Variants in CORO2B observed in about 807,000 individuals in gnomAD.
CORO2B encodes coronin 2B.
Under a neutral mutation model 58.8 loss-of-function variants are expected in CORO2B, and 26 were observed. That is an observed-to-expected ratio of 0.44 (90% CI 0.32 to 0.61). CORO2B has a LOEUF of 0.61. Among genes scored for constraint, CORO2B ranks in the 20% least tolerant of loss-of-function variants. The pLI, the probability that CORO2B is intolerant of heterozygous loss-of-function variation, is 0.04. For missense variants in CORO2B, 460 were observed against 645.1 expected (o/e 0.71, Z 3.11); for synonymous variants, 242 against 253.8 (o/e 0.95, Z 0.44).
intron 1 of CORO2B, among the ~76,000 whole-genome samples, chr15:68,614,181 T>C (rs1252770116): frequency 6.6e-6 from 1 of 152,200 alleles, no homozygotes; most frequent in Non-Finnish European, 1.5e-5. Context: ...TGTGAACACA[T>C]CTTAATGTGT....
At chr15:68,599,199 C>T (rs1595959891) in intron 1 of CORO2B, among the ~76,000 whole-genome samples, 1 of 152,186 alleles carries the variant, frequency 6.6e-6, no homozygotes, top group Non-Finnish European at 1.5e-5. Flanking sequence ...GCCCAAAGTG[C>T]GACCTCCTCC....
chr15:68,681,883 C>A lies in CORO2B; in HGVS notation c.217-13257C>A, dbSNP rs563189551. ...GCTAGCAACAGAAATCACCCCCAACCCCAGTCCTCTTATGCAGAAAGGGTT... is the reference window on the plus strand; with the variant it reads ...GCTAGCAACAGAAATCACCCCCAACACCAGTCCTCTTATGCAGAAAGGGTT... On this transcript the variant is annotated intron_variant, in intron 2 of 11. Coordinates refer to ENST00000261861, the MANE Select transcript of CORO2B (RefSeq NM_006091.5). Among the ~76,000 whole-genome samples, 5 of 152,220 alleles carry A rather than the reference C, an allele frequency of 3.3e-5. No homozygotes were observed. The East Asian group carries it at 5.8e-4, about 18-fold the overall frequency.
chr15:68,708,120 C>A (rs1567016446), intron 3 of CORO2B, among the ~76,000 whole-genome samples: 1 of 152,076 alleles, frequency 6.6e-6, no homozygotes, highest in East Asian at 1.9e-4. Context: ...AATGGTGCAC[C>A]CAAGGGTGAC....
intron 1 of CORO2B, among the ~76,000 whole-genome samples, chr15:68,599,221 T>C (rs984316233): frequency 1.1e-4 from 16 of 152,196 alleles, no homozygotes; most frequent in Non-Finnish European, 2.4e-4. Flanking sequence ...CAGAGCCTTC[T>C]CTGATCTCTC....
At chr15:68,687,838 C>T (rs990801792) in intron 2 of CORO2B, among the ~76,000 whole-genome samples, 3 of 152,186 alleles carry the variant, frequency 2.0e-5, no homozygotes, top group Non-Finnish European at 4.4e-5. Context: ...TTATAACAAA[C>T]CCACTCACAA....
At chr15:68,539,168 C>T in the CORO2B span, among the ~76,000 whole-genome samples, 1 of 152,166 alleles carries the variant, frequency 6.6e-6, no homozygotes, top group African/African-American at 2.4e-5. Context: ...CCACAAGCTG[C>T]AGGAGCCTGC....
chr15:68,685,419 C>G (rs1902932074), intron 2 of CORO2B, among the ~76,000 whole-genome samples: 2 of 152,160 alleles, frequency 1.3e-5, no homozygotes, highest in Admixed American at 1.3e-4. Context: ...GCCATGTTGC[C>G]CAGGCTGGTC....
the CORO2B span, among the ~76,000 whole-genome samples, chr15:68,570,467 C>T: frequency 1.3e-5 from 2 of 152,192 alleles, no homozygotes; most frequent in Admixed American, 6.5e-5. Context: ...AGTCGTAAGA[C>T]ATCGAAGGAA....
rs1322991187 is a variant in CORO2B, at chr15:68,714,559, G to GAT, written c.767_768insTA (p.Glu256AspfsTer8). On this transcript the variant is annotated frameshift_variant and splice_region_variant, in exon 7 of 12. Transcript: ENST00000261861. LOFTEE classifies it high-confidence loss of function. Reference sequence around the variant, plus strand: ...GCTGAGACCAGCTCTTCTCCCTCAGGAGGACCTCTCCATGCCCCTGATCGA... The same window carrying GAT: ...GCTGAGACCAGCTCTTCTCCCTCAGGATAGGACCTCTCCATGCCCCTGATCGA... 5 of 1,613,184 alleles carry GAT rather than the reference G, an allele frequency of 3.1e-6. No individual in the cohort carries two copies. Among genetic ancestry groups the GAT allele is most frequent in the Non-Finnish European group, 4.2e-6 (5 of 1,179,178 alleles).
Position 68,609,880 on chromosome 15 carries a change from G to T in CORO2B, c.15+30603G>T, listed in dbSNP as rs191932603. Among the ~76,000 whole-genome samples, 88 of 152,266 alleles carry T rather than the reference G, an allele frequency of 5.8e-4. 1 individual carries two copies. The highest frequency in any genetic ancestry group is 5.7e-4 in the Non-Finnish European group (39 of 68,028). ...GGCTGGGGTAGGGGAGCACGAAGCG[G>T]TCTGGTTCAGTACACTAGCTTGACC... On this transcript the variant is annotated intron_variant, in intron 1 of 11. Transcript: ENST00000261861.
At chr15:68,625,738 A>G (rs1288822310) in intron 1 of CORO2B, among the ~76,000 whole-genome samples, 2 of 151,770 alleles carry the variant, frequency 1.3e-5, no homozygotes, top group African/African-American at 2.4e-5. Context: ...CCAAGTAGCT[A>G]GGACTACAGG....
chr15:68,627,005 G>T (rs1193450347), intron 1 of CORO2B, among the ~76,000 whole-genome samples: 2 of 152,196 alleles, frequency 1.3e-5, no homozygotes, highest in Non-Finnish European at 2.9e-5. Flanking sequence ...CCTGGGTTCA[G>T]CTCCCAGTCC....
upstream of CORO2B, chr15:68,578,931 G>T: frequency 1.5e-6 from 1 of 687,352 alleles, no homozygotes; most frequent in African/African-American, 1.9e-5. The surrounding 1 kb of genome is among the most constrained non-coding windows in gnomAD (Gnocchi z 4.2). Flanking sequence ...CCTTTGTAGC[G>T]AGTTCCCGGC....
intron 8 of CORO2B, among the ~76,000 whole-genome samples, chr15:68,717,125 GAAACCCTGTCTCT>G (rs1409344395): frequency 6.6e-6 from 1 of 151,960 alleles, no homozygotes; most frequent in Non-Finnish European, 1.5e-5. Flanking sequence ...CCAATATGGT[GAAACCCTGTCTCT>G]AAACCCTGTC....
chr15:68,669,219 AG>A (rs1902305156), intron 2 of CORO2B, among the ~76,000 whole-genome samples: 1 of 151,914 alleles, frequency 6.6e-6, no homozygotes, highest in Admixed American at 6.5e-5. Flanking sequence ...AGCCGGAGAC[AG>A]GACTCGGCCT....
intron 2 of CORO2B, among the ~76,000 whole-genome samples, chr15:68,670,378 G>T (rs983017577): frequency 6.0e-5 from 9 of 150,040 alleles, no homozygotes; most frequent in Non-Finnish European, 1.2e-4. Flanking sequence ...GGGTTTCACT[G>T]TGTTGTCTAG....
chr15:68,571,805 C>T, the CORO2B span, among the ~76,000 whole-genome samples: 2 of 152,190 alleles, frequency 1.3e-5, no homozygotes, highest in Non-Finnish European at 2.9e-5. Context: ...GCAACCAAAG[C>T]CTGCTCTTTA....
intron 1 of CORO2B, among the ~76,000 whole-genome samples, chr15:68,595,847 C>T (rs1566980437): frequency 6.6e-6 from 1 of 152,116 alleles, no homozygotes; most frequent in Non-Finnish European, 1.5e-5. Context: ...GAATGCGAGT[C>T]CTAAAGGCCG....
In CORO2B at chr15:68,587,218, C is replaced by A. The variant is rs185772287; in HGVS notation, c.15+7941C>A. Among the ~76,000 whole-genome samples, 428 of 152,180 alleles carry A rather than the reference C, an allele frequency of 2.8e-3. 2 individuals carry two copies. The highest frequency in any genetic ancestry group is 9.5e-3 in the African/African-American group (393 of 41,522). ...CTCTAAAACAAACAAACAAAAAAAA[C>A]CCCCTAAGTGTCTGCAGTTTGGTGT... On this transcript the variant is annotated intron_variant, in intron 1 of 11. Transcript: ENST00000261861.
Sources: allele counts gnomAD v4.1 joint callset (sites outside exome capture counted in the v4.1 genomes callset), GRCh38; gene constraint gnomAD v4.1.1; non-coding constraint Gnocchi (gnomAD v3.1); transcripts MANE v1.5; gene names NCBI Gene and HGNC (gene_info 2026-07-23, HGNC 2026-07-21).